The following IL17RB variants were observed in gnomAD, a reference collection of about 807,000 sequenced individuals.
IL17RB encodes the protein interleukin 17 receptor B.
A neutral mutation model predicts 43.9 loss-of-function variants in IL17RB; 36 were observed. That is an observed-to-expected ratio of 0.82 (90% confidence interval 0.63 to 1.08). IL17RB has a LOEUF of 1.08. Among genes scored for constraint, IL17RB ranks in the 50% least tolerant of loss-of-function variants. The pLI, the probability that IL17RB is intolerant of heterozygous loss-of-function variation, is 0.00. For synonymous variants in IL17RB, 225 were observed against 225.4 expected, an observed-to-expected ratio of 1.00 and a Z score of 0.02; for missense variants, 613 against 613.6, an observed-to-expected ratio of 1.00 and a Z score of 0.01.
rs753618327 is a variant in IL17RB at position 53,856,986 on chromosome 3, G to A, written c.672G>A (p.Glu224=). The part of the protein sequence containing the change: ...STIIGFSQVF[E]PHQKKQTRAS... ...TCATCGGGTTTTCTCAGGTGTTTGA[G>A]GTACTTTTTCTCTTCGTCCCCTTCA... is the stretch of plus-strand genomic sequence containing the variant. The change falls in exon 7 of 11, where the codon GAG becomes GAA. Residue 224 remains glutamate (E), a splice_region_variant and synonymous_variant. Transcript: ENST00000288167. 1 of 1,613,844 alleles carries A rather than the reference G, an allele frequency of 6.2e-7. No individual in the cohort carries two copies. Among genetic ancestry groups the A allele is most frequent in the Non-Finnish European group, 8.5e-7 (1 of 1,180,030 alleles).
chr3:53,862,055 GC>G (rs1435560986), intron 10 of IL17RB, among the ~76,000 whole-genome samples: 3 of 152,150 alleles, frequency 2.0e-5, no homozygotes, highest in African/African-American at 7.2e-5. Flanking sequence ...CAATAAGAAG[GC>G]CTGGACACTG....
Position 53,848,653 on chromosome 3 carries a change from C to T in IL17RB, c.61-11C>T. On this transcript the variant is annotated splice_polypyrimidine_tract_variant and intron_variant, in intron 1 of 10. Transcript: ENST00000288167. ...GCTTCAACGTGACGCTTGGTTTTTTCTCTCCCACAGACCGTTCAATGTGGC... is the reference window on the plus strand; with the variant it reads ...GCTTCAACGTGACGCTTGGTTTTTTTTCTCCCACAGACCGTTCAATGTGGC... The T allele has an allele frequency of 6.4e-7, 1 of 1,555,700 alleles. No homozygotes were observed. Among genetic ancestry groups the T allele is most frequent in the Middle Eastern group, 1.7e-4 (1 of 5,924 alleles).
intron 3 of IL17RB, among the ~76,000 whole-genome samples, chr3:53,850,036 A>G (rs1576826222): frequency 6.6e-6 from 1 of 152,226 alleles, no homozygotes; most frequent in South Asian, 2.1e-4. Flanking sequence ...AGCAACAAGA[A>G]TGAATGATCT....
chr3:53,864,878 G>T lies in IL17RB; in HGVS notation c.1079G>T (p.Arg360Ile). The T allele has an allele frequency of 6.2e-7, 1 of 1,614,198 alleles. No individual in the cohort carries two copies. The highest frequency in any genetic ancestry group is 8.5e-7 in the Non-Finnish European group (1 of 1,180,040). Residue 360 changes from arginine (R) to isoleucine (I), a missense_variant, in exon 11 of 11, where the codon AGA becomes ATA. Transcript: ENST00000288167. ...YFTEFLQNHCRSEVILEKWQK... is the reference protein window; with the variant it reads ...YFTEFLQNHCISEVILEKWQK... ...ACTGAATTTCTTCAAAACCATTGCA[G>T]AAGTGAGGTCATCCTTGAAAAGTGG... is the stretch of plus-strand genomic sequence containing the variant.
At chr3:53,852,729 T>G in intron 4 of IL17RB, 142 bp from the exon 5 acceptor site, 1 of 667,926 alleles carries the variant, frequency 1.5e-6, no homozygotes, top group East Asian at 2.7e-5. Flanking sequence ...TTAGTGCCCA[T>G]TCCCTAAGTA....
chr3:53,864,763 T>C lies in IL17RB; in HGVS notation c.964T>C (p.Ser322Pro). The C allele has an allele frequency of 2.5e-6, 4 of 1,608,716 alleles. No homozygotes were observed. The highest frequency in any genetic ancestry group is 3.4e-6 in the Non-Finnish European group (4 of 1,177,548). Residue 322 changes from serine to proline, a missense_variant, in exon 11 of 11, where the codon TCC (serine) becomes CCC (proline). Physicochemically the swap from Ser to Pro is moderately conservative, Grantham distance 74. Coordinates refer to ENST00000288167, the MANE Select transcript of IL17RB (RefSeq NM_018725.4). Reference protein sequence around the residue: ...MWRHERIKKTSFSTTTLLPPI... With the variant: ...MWRHERIKKTPFSTTTLLPPI... ...TCTCACAGAAAGGATCAAGAAGACT[T>C]CCTTTTCTACCACCACACTACTGCC...
chr3:53,856,335 T>C (rs940967269), intron 6 of IL17RB, among the ~76,000 whole-genome samples: 2 of 152,260 alleles, frequency 1.3e-5, no homozygotes, highest in Admixed American at 1.3e-4. Context: ...TATCAGGGTA[T>C]ATCCTCTAAG....
Position 53,860,227 on chromosome 3 carries a change from C to G in IL17RB, c.945C>G (p.His315Gln). ...LVAGIYLMWR[H>Q]ERIKKTSFST... ...CAGGGATCTATCTAATGTGGAGGCACGGTAAGGGTTATAATTCTTTAAAGA... is the reference window on the plus strand; with the variant it reads ...CAGGGATCTATCTAATGTGGAGGCAGGGTAAGGGTTATAATTCTTTAAAGA... The change falls in exon 10 of 11, where the codon CAC becomes CAG. Residue 315 changes from histidine to glutamine, a missense_variant and splice_region_variant. By Grantham distance (24) the His-to-Gln change is conservative. Transcript: ENST00000288167. 1 of 1,607,610 alleles carries G rather than the reference C, an allele frequency of 6.2e-7. No individual in the cohort carries two copies. The highest frequency in any genetic ancestry group is 1.1e-5 in the South Asian group (1 of 90,754).
intron 10 of IL17RB, among the ~76,000 whole-genome samples, chr3:53,864,483 C>T (rs949034639): frequency 2.0e-5 from 3 of 151,906 alleles, no homozygotes; most frequent in African/African-American, 4.8e-5. Flanking sequence ...TGTAGTCAGC[C>T]GAGGTCACGC....
In IL17RB at chr3:53,854,957, C is replaced by T. The variant is rs145492447; in HGVS notation, c.482-337C>T. 2.5e-3 allele frequency among the ~76,000 whole-genome samples: 372 copies of T among 151,614 alleles called. 4 individuals carry two copies. Among genetic ancestry groups the T allele is most frequent in the African/African-American group, 8.6e-3 (356 of 41,336 alleles). ...CTGTTTAGCAGTAAAATGTTAGAGC[C>T]CCACAAAAAATTAGCCGGGCGTGGT... On this transcript the variant is annotated intron_variant, in intron 5 of 10. Coordinates refer to ENST00000288167, the MANE Select transcript of IL17RB (RefSeq NM_018725.4).
At chr3:53,860,025 TAAAA>T in intron 9 of IL17RB, 101 bp from the exon 10 acceptor site, 1 of 812,608 alleles carries the variant, frequency 1.2e-6, no homozygotes, top group Non-Finnish European at 1.9e-6. Context: ...TAAAAAATAA[TAAAA>T]AATAAATAAA....
chr3:53,863,642 G>C (rs1322268017), intron 10 of IL17RB, among the ~76,000 whole-genome samples: 1 of 152,098 alleles, frequency 6.6e-6, no homozygotes, highest in Non-Finnish European at 1.5e-5. Flanking sequence ...AGTTCCAGGG[G>C]CTGAAAAGGG....
chr3:53,858,467 G>C (rs1457550892), intron 8 of IL17RB: 1 of 1,308,440 alleles, frequency 7.6e-7, no homozygotes, highest in Non-Finnish European at 9.8e-7. Context: ...TTAGGTAAGC[G>C]AACTGGTATG....
In IL17RB at chr3:53,862,950, G is replaced by T. The variant is rs553610361; in HGVS notation, c.947-1796G>T. On this transcript the variant is annotated intron_variant, in intron 10 of 10. Transcript: ENST00000288167. Reference sequence around the variant, plus strand: ...CTCCTCTTCCACCGCTTCTGCCTCTGCCACCCCTAAGTCAGCAAGACTAAC... The same window carrying T: ...CTCCTCTTCCACCGCTTCTGCCTCTTCCACCCCTAAGTCAGCAAGACTAAC... Among the ~76,000 whole-genome samples, 7 of 152,256 alleles carry T rather than the reference G, an allele frequency of 4.6e-5. No homozygotes were observed. In the South Asian group the frequency reaches 1.5e-3, roughly 32 times the overall value.
At chr3:53,864,307 C>T (rs779574147) in intron 10 of IL17RB, among the ~76,000 whole-genome samples, 2 of 152,168 alleles carry the variant, frequency 1.3e-5, no homozygotes, top group African/African-American at 2.4e-5. Flanking sequence ...GAGGCCCAGG[C>T]GGGCGGAACA....
intron 9 of IL17RB, chr3:53,859,165 C>T (rs1699463334): frequency 5.6e-6 from 1 of 178,220 alleles, no homozygotes; most frequent in Admixed American, 6.2e-5. Flanking sequence ...GAATATTTCA[C>T]TATATTCTGA....
chr3:53,853,855 A>G (rs898262687), intron 5 of IL17RB, among the ~76,000 whole-genome samples: 23 of 152,110 alleles, frequency 1.5e-4, no homozygotes, highest in African/African-American at 5.6e-4. Flanking sequence ...TTTGTTTTCA[A>G]ATAAGCTTTT....
chr3:53,856,919 C>T lies in IL17RB; in HGVS notation c.605C>T (p.Pro202Leu). Residue 202 changes from proline to leucine, a missense_variant, in exon 7 of 11, where the codon CCC (proline) becomes CTC (leucine). Pro to Leu is a moderately conservative substitution (Grantham distance 98). Coordinates refer to ENST00000288167, the MANE Select transcript of IL17RB (RefSeq NM_018725.4). ...ETVEVNFTTT[P>L]LGNRYMALIQ... ...GTAGAAGTGAACTTCACAACCACTC[C>T]CCTGGGAAACAGATACATGGCTCTT... 6.2e-7 allele frequency: 1 copy of T among 1,613,974 alleles called. No homozygotes were observed.
chr3:53,859,528 T>A (rs1038718047), intron 9 of IL17RB: 1 of 152,464 alleles, frequency 6.6e-6, no homozygotes, highest in Non-Finnish European at 1.5e-5. Context: ...GTGAGGCGGG[T>A]GGCACTATCC....
Sources: allele counts gnomAD v4.1 joint callset (sites outside exome capture counted in the v4.1 genomes callset), GRCh38; gene constraint gnomAD v4.1.1; transcripts MANE v1.5; gene names NCBI Gene and HGNC (gene_info 2026-07-23, HGNC 2026-07-21).